KAT14: variants seen among roughly 807,000 people sequenced by gnomAD.
KAT14 encodes lysine acetyltransferase 14.
KAT14 carries 66 observed loss-of-function variants against 78.4 expected under a neutral mutation model. The ratio of observed to expected loss-of-function variants is 0.84; its 90% CI spans 0.69 to 1.03. KAT14 has a LOEUF of 1.03. KAT14 is among the 50% of genes least tolerant of loss of function. KAT14 has a pLI of 0.00. For missense variants in KAT14, 870 were observed against 972.5 expected (o/e 0.89, Z 1.40); for synonymous variants, 344 against 359.4 (o/e 0.96, Z 0.48).
intron 2 of KAT14, among the ~76,000 whole-genome samples, chr20:18,144,017 T>G (rs1357219528): frequency 2.0e-5 from 3 of 152,224 alleles, no homozygotes; most frequent in Non-Finnish European, 4.4e-5. Flanking sequence ...GAAACAGGAT[T>G]TTCCCATTAG....
chr20:18,159,201 T>C lies in KAT14; in HGVS notation c.618T>C (p.His206=), dbSNP rs2146415584. 1 of 1,614,136 alleles carries C rather than the reference T, an allele frequency of 6.2e-7. No homozygotes were observed. Among genetic ancestry groups the C allele is most frequent in the East Asian group, 2.2e-5 (1 of 44,890 alleles). ...FGEPGWWKLV[H]NKPPTMKPEG... Reference sequence around the variant, plus strand: ...AGCCAGGATGGTGGAAACTTGTTCATAACAAGCCCCCAACGATGAAACCTG... The same window carrying C: ...AGCCAGGATGGTGGAAACTTGTTCACAACAAGCCCCCAACGATGAAACCTG... Residue 206 remains histidine, a synonymous_variant, in exon 5 of 11, where the codon CAT becomes CAC. Coordinates refer to ENST00000688188, the MANE Select transcript of KAT14 (RefSeq NM_001392073.1).
intron 4 of KAT14, among the ~76,000 whole-genome samples, chr20:18,157,351 G>T (rs536183385): frequency 7.9e-4 from 120 of 152,210 alleles, no homozygotes; most frequent in African/African-American, 2.8e-3. Context: ...AAGTAGCTGG[G>T]ACCACAGGCA....
At position 18,142,210 on chromosome 20, in the gene KAT14, G is replaced by T; in HGVS notation, c.-451G>T. 1 of 1,536,638 alleles carries T rather than the reference G, an allele frequency of 6.5e-7. No homozygotes were observed. The highest frequency in any genetic ancestry group is 8.7e-7 in the Non-Finnish European group (1 of 1,146,578). On this transcript the variant is annotated splice_region_variant and 5_prime_UTR_variant, in exon 2 of 11. Transcript: ENST00000688188. ...AAATCTGTTTCTTACGTTTTTAGAG[G>T]CTTCGTGACGGAGTTATCAGAGACA...
chr20:18,153,432 C>A (rs1044491218), intron 4 of KAT14, among the ~76,000 whole-genome samples: 1 of 152,100 alleles, frequency 6.6e-6, no homozygotes, highest in African/African-American at 2.4e-5. Context: ...TAATGTACCC[C>A]ATTTATAAGG....
chr20:18,162,276 A>C (rs745949167), intron 6 of KAT14, 37 bp downstream of exon 6: 16 of 1,612,304 alleles, frequency 9.9e-6, no homozygotes, highest in Middle Eastern at 1.6e-4. Flanking sequence ...TATTTTGGGT[A>C]TGGGCCATGG....
At chr20:18,151,265 C>T (rs568941646) in intron 4 of KAT14, among the ~76,000 whole-genome samples, 9 of 152,098 alleles carry the variant, frequency 5.9e-5, no homozygotes, top group Admixed American at 2.0e-4. Context: ...GGCGTGATCT[C>T]GGCACACTGC....
chr20:18,138,220 G>A (rs1361197368), intron 1 of KAT14, 169 bp downstream of exon 1: 2 of 1,260,246 alleles, frequency 1.6e-6, no homozygotes, highest in Non-Finnish European at 2.0e-6. Flanking sequence ...CCGCTCTGCT[G>A]GGCTCCGGGC....
rs577077984 is a variant in KAT14 at position 18,144,432 on chromosome 20, C to A, written c.260-801C>A. On this transcript the variant is annotated intron_variant, in intron 2 of 10. Transcript: ENST00000688188. ...CTTATTCTTCACAAACAATTCTTAT[C>A]CTTAGGGCTTTGCACAGTTTTTTTC... is the stretch of plus-strand genomic sequence containing the variant. Among the ~76,000 whole-genome samples, 3 of 152,276 alleles carry A rather than the reference C, an allele frequency of 2.0e-5. No homozygotes were observed. In the East Asian group the frequency reaches 5.8e-4, roughly 29 times the overall value.
At chr20:18,176,995 C>G (rs2039074727) in intron 7 of KAT14, among the ~76,000 whole-genome samples, 1 of 152,144 alleles carries the variant, frequency 6.6e-6, no homozygotes, top group South Asian at 2.1e-4. Flanking sequence ...TGGAGCTTCC[C>G]AGAACTTACC....
At position 18,159,234 on chromosome 20, in the gene KAT14, G is replaced by C; in HGVS notation, c.651G>C (p.Glu217Asp). 1.2e-6 allele frequency: 2 copies of C among 1,614,028 alleles called. No individual in the cohort carries two copies. Among genetic ancestry groups the C allele is most frequent in the East Asian group, 4.5e-5 (2 of 44,868 alleles). The part of the protein sequence containing the change: ...NKPPTMKPEG[E>D]KLSASTLKIK... ...CCCCAACGATGAAACCTGAAGGAGA[G>C]AAGTTGTCTGCCTCTACTTTGAAAA... The change falls in exon 5 of 11, where the codon GAG becomes GAC. Residue 217 changes from glutamate to aspartate, a missense_variant. Coordinates refer to ENST00000688188, the MANE Select transcript of KAT14 (RefSeq NM_001392073.1).
At position 18,161,912 on chromosome 20, in the gene KAT14, A is replaced by G. The variant is rs1468044362; in HGVS notation, c.772A>G (p.Lys258Glu). The G allele has an allele frequency of 1.9e-6, 3 of 1,614,108 alleles. No homozygotes were observed. The Admixed American group carries it at 5.0e-5, about 27-fold the overall frequency. The part of the protein sequence containing the change: ...RNPVESAMEL[K>E]EKRSRTQEAK... ...TCCTGTGGAATCTGCCATGGAATTA[A>G]AAGAGAAAAGGTCTCGAACTCAGGA... The change falls in exon 6 of 11, where the codon AAA becomes GAA. Residue 258 changes from lysine (K) to glutamate (E), a missense_variant. Transcript: ENST00000688188.
At chr20:18,139,633 C>CGTGTGTGTGTGTGT (rs71194228) in intron 1 of KAT14, among the ~76,000 whole-genome samples, 1,552 of 141,652 alleles carry the variant, frequency 0.011, 11 homozygotes, top group East Asian at 0.016. Flanking sequence ...ACCAAAATAA[C>CGTGTGTGTGTGTGT]GTGTGTGTGT....
intron 7 of KAT14, among the ~76,000 whole-genome samples, chr20:18,178,637 C>G (rs891924976): frequency 6.6e-6 from 1 of 152,074 alleles, no homozygotes; most frequent in African/African-American, 2.4e-5. Context: ...TGGTGGAAAC[C>G]GCCCCCGTGA....
At position 18,160,455 on chromosome 20, in the gene KAT14, A is replaced by G. The variant is rs145239190; in HGVS notation, c.682+1190A>G. ...CCACACTTACCAGTATGTCTTGGAC[A>G]TCTTTCCATGACAGTACATGTAGAT... On this transcript the variant is annotated intron_variant, in intron 5 of 10. Transcript: ENST00000688188. Among the ~76,000 whole-genome samples, 314 of 152,310 alleles carry G rather than the reference A, an allele frequency of 2.1e-3. 2 individuals are homozygous for G. Among genetic ancestry groups the G allele is most frequent in the Admixed American group, 3.3e-3 (51 of 15,300 alleles).
intron 7 of KAT14, among the ~76,000 whole-genome samples, chr20:18,176,133 C>T (rs1450323705): frequency 6.6e-6 from 1 of 151,904 alleles, no homozygotes; most frequent in Non-Finnish European, 1.5e-5. Context: ...GAAACCCCGT[C>T]TCTACTAAAA....
intron 7 of KAT14, among the ~76,000 whole-genome samples, chr20:18,178,886 C>A (rs1310391083): frequency 2.0e-5 from 3 of 152,148 alleles, no homozygotes; most frequent in Non-Finnish European, 4.4e-5. Flanking sequence ...TGAGACAAGG[C>A]AAGTCCCTTC....
chr20:18,162,495 T>C lies in KAT14; in HGVS notation c.1218T>C (p.Pro406=), dbSNP rs1376480362. Residue 406 remains proline (P), a synonymous_variant, in exon 7 of 11, where the codon CCT becomes CCC. Coordinates refer to ENST00000688188, the MANE Select transcript of KAT14 (RefSeq NM_001392073.1). ...VVGVRKKVRG[P]EQIKQEVESE... ...GGGTCAGAAAGAAGGTCAGAGGCCC[T>C]GAACAGATAAAGCAGGAGGTAGAGA... 1 of 1,613,912 alleles carries C rather than the reference T, an allele frequency of 6.2e-7. No individual in the cohort carries two copies. The highest frequency in any genetic ancestry group is 2.2e-5 in the East Asian group (1 of 44,884).
At chr20:18,138,726 A>G (rs1355183006) in intron 1 of KAT14, among the ~76,000 whole-genome samples, 1 of 152,154 alleles carries the variant, frequency 6.6e-6, no homozygotes, top group African/African-American at 2.4e-5. Context: ...ATTTCAGGAA[A>G]TATCCGTGAC....
At chr20:18,151,388 G>C (rs1457124298) in intron 4 of KAT14, among the ~76,000 whole-genome samples, 1 of 151,838 alleles carries the variant, frequency 6.6e-6, no homozygotes, top group East Asian at 2.0e-4. Context: ...GTAGAGACGG[G>C]GTTTCACCAT....
Sources: allele counts gnomAD v4.1 joint callset (sites outside exome capture counted in the v4.1 genomes callset), GRCh38; gene constraint gnomAD v4.1.1; transcripts MANE v1.5; gene names NCBI Gene and HGNC (gene_info 2026-07-23, HGNC 2026-07-21).